Variants in FAM20A observed in about 807,000 individuals in gnomAD.
FAM20A encodes the protein pseudokinase FAM20A.
In FAM20A, 42 loss-of-function variants were observed where a neutral mutation model predicts 52.0. That is an observed-to-expected ratio of 0.81 (90% CI 0.63 to 1.04). FAM20A has a LOEUF of 1.04. FAM20A is among the 50% of genes least tolerant of loss of function. The pLI, the probability that FAM20A is intolerant of heterozygous loss-of-function variation, is 0.00. For synonymous variants in FAM20A, 304 were observed against 298.9 expected (o/e 1.02, Z -0.18); for missense variants, 742 against 712.7 (o/e 1.04, Z -0.47).
At chr17:68,569,881 T>C (rs2087490247) in intron 1 of FAM20A, among the ~76,000 whole-genome samples, 1 of 152,200 alleles carries the variant, frequency 6.6e-6, no homozygotes, top group Non-Finnish European at 1.5e-5. Flanking sequence ...GAAGTCTGCA[T>C]TGGCCTCCGG....
In FAM20A at chr17:68,542,642, T is replaced by A. The variant is rs2086355483; in HGVS notation, c.928+52A>T. 1.2e-5 allele frequency: 17 copies of A among 1,402,356 alleles called. No individual in the cohort carries two copies. In the South Asian group the frequency reaches 1.8e-4, roughly 15 times the overall value. The allele number at this position is 1,402,356 out of a possible 1,614,324, so 86.9% of individuals were successfully genotyped here. On this transcript the variant is annotated intron_variant, in intron 6 of 10. Transcript: ENST00000592554. ...CACTGATGAATGGAGGGGTGGACAC[T>A]CTGGCTTACGATCTACTCAGACCCG...
At chr17:68,574,603 C>T (rs1400057277) in intron 1 of FAM20A, among the ~76,000 whole-genome samples, 1 of 152,184 alleles carries the variant, frequency 6.6e-6, no homozygotes, top group Non-Finnish European at 1.5e-5. Flanking sequence ...GTTATTGTTA[C>T]TGTGACTTCT....
In FAM20A at chr17:68,535,628, G is replaced by A. The variant is rs1402644662; in HGVS notation, c.*1849C>T. Reference sequence around the variant, plus strand: ...GGCCACAACAGTTAAGGAAATCTTTGGGATTAAGGTTTCTCTGTTAAAGAG... The same window carrying A: ...GGCCACAACAGTTAAGGAAATCTTTAGGATTAAGGTTTCTCTGTTAAAGAG... On this transcript the variant is annotated 3_prime_UTR_variant, in exon 11 of 11. Transcript: ENST00000592554. The A allele has an allele frequency of 8.8e-6, 4 of 453,780 alleles. No homozygotes were observed. Among genetic ancestry groups the A allele is most frequent in the South Asian group, 1.6e-5 (1 of 64,442 alleles). 28.1% of individuals were successfully genotyped at this position (453,780 alleles called of 1,614,324 possible).
At chr17:68,578,539 T>C (rs556988025) in intron 1 of FAM20A, among the ~76,000 whole-genome samples, 2 of 152,244 alleles carry the variant, frequency 1.3e-5, no homozygotes, top group Admixed American at 6.5e-5. Flanking sequence ...TATTGAGATA[T>C]TAATGTGTTT....
rs551965708 is a variant in FAM20A at position 68,537,562 on chromosome 17, A to G, written c.1541T>C (p.Val514Ala). Residue 514 changes from valine to alanine, a missense_variant, in exon 11 of 11, where the codon GTG becomes GCG. By Grantham distance (64) the Val-to-Ala change is moderately conservative (BLOSUM62 0). Coordinates refer to ENST00000592554, the MANE Select transcript of FAM20A (RefSeq NM_017565.4). The surrounding 1 kb of genome is among the most constrained non-coding windows in gnomAD (Gnocchi z 4.2). The part of the protein sequence containing the change: ...TILRTVEGCI[V>A]AHGQQSVIVD... ...TATGACACTCTGCTGTCCATGGGCC[A>G]CTATGCACCCCTCCACTGTCCTTAG... The G allele has an allele frequency of 9.3e-6, 15 of 1,613,352 alleles. No individual in the cohort carries two copies. Among genetic ancestry groups the G allele is most frequent in the Non-Finnish European group, 1.3e-5 (15 of 1,179,500 alleles).
chr17:68,569,940 C>T (rs1331927481), intron 1 of FAM20A, among the ~76,000 whole-genome samples: 2 of 152,180 alleles, frequency 1.3e-5, no homozygotes, highest in African/African-American at 2.4e-5. Context: ...GTGTCTCTCT[C>T]CTTTATCCAT....
chr17:68,581,350 T>TTTC (rs2087941952), intron 1 of FAM20A, among the ~76,000 whole-genome samples: 86 of 92,278 alleles, frequency 9.3e-4, no homozygotes, highest in Non-Finnish European at 1.2e-3. Context: ...GAAATGCAGT[T>TTTC]TTTCTTTCTT....
chr17:68,583,188 C>G (rs1351540416), intron 1 of FAM20A, among the ~76,000 whole-genome samples: 13 of 152,044 alleles, frequency 8.6e-5, no homozygotes. Flanking sequence ...TTTTAGATAC[C>G]TGGGTTACAA....
chr17:68,536,812 A>C lies in FAM20A; in HGVS notation c.*665T>G. The C allele has an allele frequency of 4.4e-6, 2 of 454,068 alleles. No individual in the cohort carries two copies. The highest frequency in any genetic ancestry group is 3.1e-5 in the South Asian group (2 of 64,476). 28.1% of individuals were successfully genotyped at this position (454,068 alleles called of 1,614,324 possible). ...ACATATTTGATGTTATTTCAATTGT[A>C]ATACTCTTCAAATTGGAACACTCCT... On this transcript the variant is annotated 3_prime_UTR_variant, in exon 11 of 11. Coordinates refer to ENST00000592554, the MANE Select transcript of FAM20A (RefSeq NM_017565.4).
chr17:68,563,178 G>T (rs950555384), intron 1 of FAM20A, among the ~76,000 whole-genome samples: 4 of 152,094 alleles, frequency 2.6e-5, no homozygotes, highest in African/African-American at 9.7e-5. Flanking sequence ...CTGAGATCAG[G>T]AGTTCAAGAC....
At chr17:68,557,903 C>G (rs1217668376) in intron 1 of FAM20A, among the ~76,000 whole-genome samples, 1 of 152,164 alleles carries the variant, frequency 6.6e-6, no homozygotes, top group Non-Finnish European at 1.5e-5. Context: ...AGATTCCATG[C>G]CCTCATTTCC....
chr17:68,572,592 C>T (rs986523071), intron 1 of FAM20A, among the ~76,000 whole-genome samples: 5 of 152,212 alleles, frequency 3.3e-5, no homozygotes, highest in East Asian at 3.9e-4. Context: ...GCGTTTGTGC[C>T]GGCTGCCTGT....
chr17:68,581,354 C>CT (rs1478637489), intron 1 of FAM20A, among the ~76,000 whole-genome samples: 1 of 85,440 alleles, frequency 1.2e-5, no homozygotes, highest in Non-Finnish European at 2.6e-5. Flanking sequence ...TGCAGTTTTT[C>CT]TTTCTTTCTT....
intron 1 of FAM20A, among the ~76,000 whole-genome samples, chr17:68,571,987 CATATATATAT>C (rs57442973): frequency 0.058 from 2,506 of 43,070 alleles, 42 homozygotes; most frequent in Middle Eastern, 0.1. Flanking sequence ...TATATACATA[CATATATATAT>C]ATATATATAT....
chr17:68,548,222 C>T (rs143325576), intron 4 of FAM20A, among the ~76,000 whole-genome samples: 2,433 of 152,234 alleles, frequency 0.016, 59 homozygotes, highest in African/African-American at 0.055. Flanking sequence ...AGTGAAACCC[C>T]GTCTCTACTA....
rs761949775 is a variant in FAM20A at position 68,575,791 on chromosome 17, TACAC to T, written c.405-20052_405-20049del. Among the ~76,000 whole-genome samples, 318 of 104,214 alleles carry T rather than the reference TACAC, an allele frequency of 3.1e-3. 4 individuals are homozygous for T. Among genetic ancestry groups the T allele is most frequent in the African/African-American group, 6.2e-3 (167 of 27,014 alleles). The allele number at this position is 104,214 out of a possible 152,430, so 68.4% of individuals were successfully genotyped here. On this transcript the variant is annotated intron_variant, in intron 1 of 10. Transcript: ENST00000592554. ...TTTATATATTGTATATTTTATATTA[TACAC>T]ACACACACACACACACACACACACA... is the stretch of plus-strand genomic sequence containing the variant.
chr17:68,549,227 G>A (rs1232620900), intron 4 of FAM20A, among the ~76,000 whole-genome samples: 2 of 152,184 alleles, frequency 1.3e-5, no homozygotes, highest in Non-Finnish European at 2.9e-5. Flanking sequence ...AGGTGCATTG[G>A]CTCACGCCTG....
rs758964755 is a variant in FAM20A at position 68,540,919 on chromosome 17, C to T, written c.1149G>A (p.Gln383=). Residue 383 remains glutamine, a synonymous_variant, in exon 8 of 11, where the codon CAG becomes CAA. Coordinates refer to ENST00000592554, the MANE Select transcript of FAM20A (RefSeq NM_017565.4). Reference sequence around the variant, plus strand: ...GCTGGCTGTTGTTGTACGGGTAGATCTGTTTCACTGTGTCACAGTAAAGGG... The same window carrying T: ...GCTGGCTGTTGTTGTACGGGTAGATTTGTTTCACTGTGTCACAGTAAAGGG... ...VNPLYCDTVK[Q]IYPYNNSQRL... The T allele has an allele frequency of 1.9e-6, 3 of 1,601,736 alleles. No individual in the cohort carries two copies. The African/African-American group carries it at 4.0e-5, about 21-fold the overall frequency.
In FAM20A at chr17:68,564,994, CA is replaced by C. The variant is rs554541182; in HGVS notation, c.405-9252del. Among the ~76,000 whole-genome samples, 318 of 152,240 alleles carry C rather than the reference CA, an allele frequency of 2.1e-3. 4 individuals carry two copies. Among genetic ancestry groups the C allele is most frequent in the Admixed American group, 0.017 (264 of 15,292 alleles). ...CTCCTAGTCACTAACCACACGGCTT[CA>C]GGTCTGAAAATCTTCCCCAGTGCCT... is the stretch of plus-strand genomic sequence containing the variant. On this transcript the variant is annotated intron_variant, in intron 1 of 10. Coordinates refer to ENST00000592554, the MANE Select transcript of FAM20A (RefSeq NM_017565.4).
Sources: gnomAD v4.1 joint callset for allele counts (sites outside exome capture counted in the v4.1 genomes callset) on GRCh38, gnomAD v4.1.1 for gene constraint, Gnocchi (gnomAD v3.1) non-coding constraint, MANE v1.5 for transcripts, NCBI Gene and HGNC (gene_info 2026-07-23, HGNC 2026-07-21) for gene names.